Variants in DPP10 observed in about 807,000 individuals in gnomAD.
DPP10 encodes inactive dipeptidyl peptidase 10.
In DPP10, 33 loss-of-function variants were observed where a neutral mutation model predicts 120.9. The observed-to-expected ratio is 0.27, with a 90% CI of 0.21 to 0.37. DPP10 has a LOEUF of 0.37. Ranked by LOEUF, DPP10 falls within the 10% of genes least tolerant of loss-of-function variation. The probability of loss-of-function intolerance (pLI) is 1.00; values close to 1 mark genes in which losing one functional copy is unlikely to be tolerated. For missense variants in DPP10, 816 were observed against 942.8 expected (o/e 0.87, Z 1.76); for synonymous variants, 337 against 326.1 (o/e 1.03, Z -0.36).
rs112420636 is a variant in DPP10 at position 115,024,444 on chromosome 2, C to T, written c.61-284795C>T. On this transcript the variant is annotated intron_variant, in intron 1 of 25. Coordinates refer to ENST00000410059, the MANE Select transcript of DPP10 (RefSeq NM_020868.6). ...ATTTATCTCAATTTTAGCTTATAAA[C>T]GATAACCTTTTCAGTATTATTTAGT... Among the ~76,000 whole-genome samples, 718 of 151,758 alleles carry T rather than the reference C, an allele frequency of 4.7e-3. 5 individuals are homozygous for T. The highest frequency in any genetic ancestry group is 6.3e-3 in the African/African-American group (260 of 41,446).
chr2:115,494,134 G>C (rs1175506926), intron 3 of DPP10, among the ~76,000 whole-genome samples: 2 of 151,894 alleles, frequency 1.3e-5, no homozygotes, highest in African/African-American at 4.8e-5. Context: ...TAGTAGAGAC[G>C]GGGTTTCACC....
intron 1 of DPP10, among the ~76,000 whole-genome samples, chr2:115,042,008 CTT>C (rs5833573): frequency 0.02 from 1,635 of 80,286 alleles, 26 homozygotes; most frequent in African/African-American, 0.073. Flanking sequence ...TCTATCTTAT[CTT>C]TTTTTTTTTT....
At chr2:115,557,434 A>G (rs1277183393) in intron 5 of DPP10, among the ~76,000 whole-genome samples, 1 of 152,172 alleles carries the variant, frequency 6.6e-6, no homozygotes. Flanking sequence ...ATTATCCATC[A>G]TCGAGAGTTT....
chr2:115,018,205 A>G (rs1160021422), intron 1 of DPP10, among the ~76,000 whole-genome samples: 2 of 152,176 alleles, frequency 1.3e-5, no homozygotes, highest in Non-Finnish European at 2.9e-5. Context: ...AAGTTAGGGA[A>G]CAACAGATGC....
At chr2:115,441,311 C>T (rs1265125180) in intron 3 of DPP10, among the ~76,000 whole-genome samples, 3 of 152,132 alleles carry the variant, frequency 2.0e-5, no homozygotes, top group African/African-American at 7.2e-5. Context: ...AGACTTGCAG[C>T]TGGAGTTCTT....
chr2:115,420,140 C>A (rs1460552434), intron 3 of DPP10, among the ~76,000 whole-genome samples: 2 of 152,162 alleles, frequency 1.3e-5, no homozygotes, highest in Non-Finnish European at 2.9e-5. Flanking sequence ...TCCTGTCCTG[C>A]TGATCATGCA....
chr2:114,650,451 G>A (rs1696499924), intron 1 of DPP10, among the ~76,000 whole-genome samples: 1 of 152,148 alleles, frequency 6.6e-6, no homozygotes, highest in Non-Finnish European at 1.5e-5. Context: ...GCTACATGAA[G>A]TGGTTACAAA....
rs550165122 is a variant in DPP10, at chr2:114,505,879, T to C, written c.60+63041T>C. ...TTATCATTTCATTGTGACGAGTTCA[T>C]GCATGTTAGTTTTTTCTGAGCAATT... On this transcript the variant is annotated intron_variant, in intron 1 of 25. Transcript: ENST00000410059. Among the ~76,000 whole-genome samples the C allele has an allele frequency of 9.6e-4, 146 of 152,374 alleles. 2 individuals carry two copies. Among genetic ancestry groups the C allele is most frequent in the Non-Finnish European group, 3.4e-4 (23 of 68,034 alleles).
chr2:115,802,523 A>C (rs1685385536), intron 19 of DPP10, among the ~76,000 whole-genome samples: 1 of 152,114 alleles, frequency 6.6e-6, no homozygotes, highest in African/African-American at 2.4e-5. Flanking sequence ...TTGTGATGTT[A>C]GGGTGTCAAT....
rs1677651849 is a variant in DPP10 at position 115,744,166 on chromosome 2, G to A, written c.853-1920G>A. On this transcript the variant is annotated intron_variant, in intron 9 of 25. Coordinates refer to ENST00000410059, the MANE Select transcript of DPP10 (RefSeq NM_020868.6). The stretch of plus-strand genomic sequence containing the variant: ...ATTCCAAGTCTGAATATAGGTTTCA[G>A]GTGGGGTCCATGAATGCGTTGCTCA... Among the ~76,000 whole-genome samples the A allele has an allele frequency of 1.3e-5, 2 of 150,510 alleles. 1 individual carries two copies. Among genetic ancestry groups the A allele is most frequent in the Non-Finnish European group, 2.9e-5 (2 of 67,914 alleles).
At chr2:115,570,068 C>T (rs1220948197) in intron 5 of DPP10, among the ~76,000 whole-genome samples, 1 of 152,128 alleles carries the variant, frequency 6.6e-6, no homozygotes, top group Non-Finnish European at 1.5e-5. Context: ...AAAGAAAATT[C>T]TAGGAAACAT....
intron 3 of DPP10, among the ~76,000 whole-genome samples, chr2:115,489,669 A>G (rs2075995347): frequency 6.6e-6 from 1 of 151,510 alleles, no homozygotes; most frequent in Admixed American, 6.6e-5. Flanking sequence ...TAACCTAACT[A>G]CAGATAGCAG....
chr2:114,741,931 T>C (rs993720414), intron 1 of DPP10, among the ~76,000 whole-genome samples: 2 of 152,208 alleles, frequency 1.3e-5, no homozygotes, highest in Non-Finnish European at 2.9e-5. Context: ...ATAAATATGT[T>C]ACTTTAAGCC....
chr2:115,779,986 C>G (rs1255631145), intron 15 of DPP10, among the ~76,000 whole-genome samples: 7 of 151,902 alleles, frequency 4.6e-5, no homozygotes, highest in Admixed American at 4.6e-4. Context: ...CCCATACCTA[C>G]AGCGTATTGC....
chr2:115,195,431 C>G (rs1437361521), intron 1 of DPP10, among the ~76,000 whole-genome samples: 1 of 152,078 alleles, frequency 6.6e-6, no homozygotes, highest in South Asian at 2.1e-4. Context: ...AAAAGTGTGA[C>G]TATTTGTCTT....
intron 1 of DPP10, among the ~76,000 whole-genome samples, chr2:115,039,146 T>C (rs1022231748): frequency 4.6e-5 from 7 of 152,042 alleles, no homozygotes; most frequent in African/African-American, 1.7e-4. Flanking sequence ...ACACACTGGG[T>C]GTAGGGAACT....
intron 1 of DPP10, among the ~76,000 whole-genome samples, chr2:115,006,795 A>G (rs1202223512): frequency 2.0e-5 from 3 of 151,972 alleles, no homozygotes; most frequent in African/African-American, 7.3e-5. Context: ...CACTGTCAAC[A>G]TTAGACAGAT....
intron 1 of DPP10, among the ~76,000 whole-genome samples, chr2:114,847,494 C>G (rs1380615673): frequency 6.6e-6 from 1 of 152,138 alleles, no homozygotes; most frequent in Non-Finnish European, 1.5e-5. Context: ...AGCATCTTAT[C>G]CATCTCCGTA....
chr2:115,583,333 G>T (rs2082104948), intron 5 of DPP10, among the ~76,000 whole-genome samples: 2 of 152,148 alleles, frequency 1.3e-5, no homozygotes, highest in African/African-American at 4.8e-5. Flanking sequence ...TAGTTTTCTT[G>T]GGTTAGAAAT....
Sources: allele counts gnomAD v4.1 joint callset (sites outside exome capture counted in the v4.1 genomes callset), GRCh38; gene constraint gnomAD v4.1.1; transcripts MANE v1.5; gene names NCBI Gene and HGNC (gene_info 2026-07-23, HGNC 2026-07-21).